The following PIK3C2G variants were observed in gnomAD, a reference collection of about 807,000 sequenced individuals.
The protein encoded by PIK3C2G is phosphatidylinositol-4-phosphate 3-kinase catalytic subunit type 2 gamma, also known as phosphatidylinositol 3-kinase C2 domain-containing subunit gamma.
In PIK3C2G, 168 loss-of-function variants were observed where a neutral mutation model predicts 181.1. That is an observed-to-expected ratio of 0.93 (90% confidence interval 0.82 to 1.05). The LOEUF is 1.05. PIK3C2G is among the 50% of genes least tolerant of loss of function. The probability of loss-of-function intolerance (pLI) is 0.00; values close to 1 mark genes in which losing one functional copy is unlikely to be tolerated. For synonymous variants in PIK3C2G, 573 were observed against 592.2 expected (o/e 0.97, Z 0.47); for missense variants, 1,869 against 1,732.8 (o/e 1.08, Z -1.40).
At chr12:18,561,757 A>C (rs2136330768) in intron 26 of PIK3C2G, among the ~76,000 whole-genome samples, 1 of 152,012 alleles carries the variant, frequency 6.6e-6, no homozygotes, top group Non-Finnish European at 1.5e-5. Flanking sequence ...ACAAAAAAAA[A>C]CCTTTAAAAA....
chr12:18,408,875 G>C (rs970797986), intron 16 of PIK3C2G, among the ~76,000 whole-genome samples: 1 of 152,068 alleles, frequency 6.6e-6, no homozygotes, highest in Non-Finnish European at 1.5e-5. Flanking sequence ...TTAGAATGGC[G>C]ATCATTAAAA....
chr12:18,472,510 T>C, intron 18 of PIK3C2G, among the ~76,000 whole-genome samples: 1 of 152,178 alleles, frequency 6.6e-6, no homozygotes, highest in East Asian at 1.9e-4. Flanking sequence ...ACTCTGGTCA[T>C]CACGATCACC....
At chr12:18,276,767 A>T (rs1017543366) in intron 1 of PIK3C2G, among the ~76,000 whole-genome samples, 2 of 152,172 alleles carry the variant, frequency 1.3e-5, no homozygotes, top group Non-Finnish European at 2.9e-5. Context: ...TGACATATAT[A>T]CTTAAAAACA....
intron 18 of PIK3C2G, among the ~76,000 whole-genome samples, chr12:18,477,090 C>T (rs1470525318): frequency 1.3e-5 from 2 of 152,076 alleles, no homozygotes; most frequent in Non-Finnish European, 2.9e-5. Context: ...TGGCCTTTCT[C>T]TGTGTGCGTG....
Position 18,607,167 on chromosome 12 carries a change from A to G in PIK3C2G, c.4088-2368A>G, listed in dbSNP as rs1263127711. On this transcript the variant is annotated intron_variant, in intron 30 of 32. Coordinates refer to ENST00000538779, the MANE Select transcript of PIK3C2G (RefSeq NM_001288772.2). The stretch of plus-strand genomic sequence containing the variant: ...CACAAACTATTTTGCGTTTTAATTA[A>G]GCTTTGAAGAAAGGTAGAAGTTCAA... 5 of 517,060 alleles carry G rather than the reference A, an allele frequency of 9.7e-6. No homozygotes were observed. The Admixed American group carries it at 9.7e-5, about 10-fold the overall frequency. 32.0% of individuals were successfully genotyped at this position (517,060 alleles called of 1,614,324 possible).
chr12:18,270,517 C>T (rs1489036528), intron 1 of PIK3C2G, among the ~76,000 whole-genome samples: 1 of 152,066 alleles, frequency 6.6e-6, no homozygotes, highest in Non-Finnish European at 1.5e-5. Context: ...GGAAAATATG[C>T]AGTGTCTTAG....
chr12:18,336,596 T>G (rs9300120), intron 8 of PIK3C2G, among the ~76,000 whole-genome samples: 1 of 152,128 alleles, frequency 6.6e-6, no homozygotes, highest in East Asian at 1.9e-4. Context: ...CATCACAATA[T>G]TGACTTACAT....
intron 23 of PIK3C2G, among the ~76,000 whole-genome samples, 161 bp from the exon 24 acceptor site, chr12:18,505,131 G>GA (rs1941736755): frequency 6.6e-6 from 1 of 152,186 alleles, no homozygotes; most frequent in African/African-American, 2.4e-5. Context: ...AGCAGATCAA[G>GA]AATCAGCTGC....
At chr12:18,445,175 CT>C (rs1400015782) in intron 18 of PIK3C2G, among the ~76,000 whole-genome samples, 1 of 151,970 alleles carries the variant, frequency 6.6e-6, no homozygotes, top group South Asian at 2.1e-4. Context: ...AATTCAGAGA[CT>C]TTTTTATATT....
intron 18 of PIK3C2G, among the ~76,000 whole-genome samples, chr12:18,450,940 C>T (rs1297631270): frequency 6.6e-6 from 1 of 152,128 alleles, no homozygotes; most frequent in African/African-American, 2.4e-5. Flanking sequence ...GTCTATATAT[C>T]TGTTTTGATA....
intron 18 of PIK3C2G, among the ~76,000 whole-genome samples, chr12:18,482,958 G>T (rs933993206): frequency 6.6e-6 from 1 of 151,974 alleles, no homozygotes; most frequent in Non-Finnish European, 1.5e-5. Flanking sequence ...TTGGTTTTTC[G>T]TTTACTTGTT....
intron 13 of PIK3C2G, among the ~76,000 whole-genome samples, chr12:18,375,864 G>A (rs573805067): frequency 3.3e-5 from 5 of 152,206 alleles, no homozygotes; most frequent in Non-Finnish European, 5.9e-5. Flanking sequence ...CGCAGGTACC[G>A]CTTGGGCCAC....
chr12:18,601,304 T>C lies in PIK3C2G; in HGVS notation c.4087+6735T>C, dbSNP rs907319839. On this transcript the variant is annotated intron_variant, in intron 30 of 32. Transcript: ENST00000538779. ...ATAAAAATTAAAAAAAAAAAAATCCTGTCATTTGTGGTAACTTGGATGGAA... is the reference window on the plus strand; with the variant it reads ...ATAAAAATTAAAAAAAAAAAAATCCCGTCATTTGTGGTAACTTGGATGGAA... Among the ~76,000 whole-genome samples, 3 of 151,124 alleles carry C rather than the reference T, an allele frequency of 2.0e-5. No homozygotes were observed. The East Asian group carries it at 5.8e-4, about 29-fold the overall frequency.
rs1177070132 is a variant in PIK3C2G, at chr12:18,532,901, T to C, written c.3324-5255T>C. 3.6e-5 allele frequency among the ~76,000 whole-genome samples: 5 copies of C among 140,230 alleles called. 1 individual carries two copies. The South Asian group carries it at 7.0e-4, about 20-fold the overall frequency. The allele number at this position is 140,230 out of a possible 152,430, so 92.0% of individuals were successfully genotyped here. On this transcript the variant is annotated intron_variant, in intron 24 of 32. Coordinates refer to ENST00000538779, the MANE Select transcript of PIK3C2G (RefSeq NM_001288772.2). ...GTTTGCTGTTTTTTTTTTTTTTTTTTCAGCTGCCCCTTTAAAGCAGGCTTT... is the reference window on the plus strand; with the variant it reads ...GTTTGCTGTTTTTTTTTTTTTTTTTCCAGCTGCCCCTTTAAAGCAGGCTTT...
chr12:18,421,130 A>G (rs1021367509), intron 17 of PIK3C2G, 96 bp downstream of exon 17: 2 of 611,076 alleles, frequency 3.3e-6, no homozygotes, highest in African/African-American at 1.9e-5. Context: ...TAGAAGTGAC[A>G]TTGCAATTTG....
At chr12:18,590,670 GGCATACATATAA>G (rs1427939935) in intron 29 of PIK3C2G, among the ~76,000 whole-genome samples, 1 of 151,784 alleles carries the variant, frequency 6.6e-6, no homozygotes, top group Non-Finnish European at 1.5e-5. Context: ...AGCTGTGGGA[GGCATACATATAA>G]GCAAAGTCAA....
the PIK3C2G span, chr12:18,693,825 A>G: frequency 1.4e-5 from 21 of 1,529,422 alleles, no homozygotes; most frequent in Non-Finnish European, 1.9e-5. Flanking sequence ...ATTGGCAGGA[A>G]GATTGAGTTC....
chr12:18,541,752 T>C (rs1010472455), intron 25 of PIK3C2G, among the ~76,000 whole-genome samples: 2 of 151,872 alleles, frequency 1.3e-5, no homozygotes, highest in Non-Finnish European at 2.9e-5. Flanking sequence ...ATTAAAGTTA[T>C]TACCCATGCA....
rs948166279 is a variant in PIK3C2G, at chr12:18,585,002, C to T, written c.4012-9492C>T. Among the ~76,000 whole-genome samples, 3 of 152,080 alleles carry T rather than the reference C, an allele frequency of 2.0e-5. No homozygotes were observed. The South Asian group carries it at 6.2e-4, about 32-fold the overall frequency. On this transcript the variant is annotated intron_variant, in intron 29 of 32. Transcript: ENST00000538779. ...TCAAATAAGCAAATGCTGATGGAGT[C>T]CGCTACCACCAGACCTGCCTTACAA...
Sources: allele counts gnomAD v4.1 joint callset (sites outside exome capture counted in the v4.1 genomes callset), GRCh38; gene constraint gnomAD v4.1.1; transcripts MANE v1.5; gene names NCBI Gene and HGNC (gene_info 2026-07-23, HGNC 2026-07-21).